MYLIP: variants seen among roughly 807,000 people sequenced by gnomAD.
MYLIP encodes the protein myosin regulatory light chain interacting protein.
MYLIP carries 26 observed loss-of-function variants against 45.8 expected under a neutral mutation model. The ratio of observed to expected loss-of-function variants is 0.57; its 90% confidence interval spans 0.42 to 0.79. The LOEUF is 0.79. Ranked by LOEUF, MYLIP falls within the 30% of genes least tolerant of loss-of-function variation. The pLI, the probability that MYLIP is intolerant of heterozygous loss-of-function variation, is 0.00. For missense variants in MYLIP, 494 were observed against 555.6 expected (o/e 0.89, Z 1.11); for synonymous variants, 213 against 218.1 (o/e 0.98, Z 0.21).
In MYLIP at chr6:16,146,863, A is replaced by T; in HGVS notation, c.*112A>T. 1.8e-4 allele frequency: 132 copies of T among 724,000 alleles called. No homozygotes were observed. The highest frequency in any genetic ancestry group is 4.0e-4 in the Middle Eastern group (1 of 2,482). The allele number at this position is 724,000 out of a possible 1,614,324, so 44.8% of individuals were successfully genotyped here. A position where few individuals can be genotyped will look rare whatever the true frequency, so the allele number is the denominator to read the frequency against. On this transcript the variant is annotated 3_prime_UTR_variant, in exon 7 of 7. Coordinates refer to ENST00000356840, the MANE Select transcript of MYLIP (RefSeq NM_013262.4). ...TATTCCAACACCCATCTGCCATGCG[A>T]TGTTAAAAAAAAAAAAAAGGAAGAA...
chr6:16,132,904 AT>A (rs991425832), intron 2 of MYLIP, among the ~76,000 whole-genome samples: 2 of 152,202 alleles, frequency 1.3e-5, no homozygotes, highest in Non-Finnish European at 2.9e-5. Context: ...ATGAAAGGTG[AT>A]TTTTTTATTC....
At position 16,146,867 on chromosome 6, in the gene MYLIP, TAA is replaced by T. The variant is rs35112615; in HGVS notation, c.*129_*130del. ...CCAACACCCATCTGCCATGCGATGT[TAA>T]AAAAAAAAAAAAGGAAGAAAAATAA... On this transcript the variant is annotated 3_prime_UTR_variant, in exon 7 of 7. Transcript: ENST00000356840. 14,341 of 600,252 alleles carry T rather than the reference TAA, an allele frequency of 0.024. No homozygotes were observed. Among genetic ancestry groups the T allele is most frequent in the South Asian group, 0.037 (1,198 of 32,578 alleles). The allele number at this position is 600,252 out of a possible 1,614,324, so 37.2% of individuals were successfully genotyped here. A position where few individuals can be genotyped will look rare whatever the true frequency, so the allele number is the denominator to read the frequency against.
intron 3 of MYLIP, among the ~76,000 whole-genome samples, chr6:16,142,576 A>C (rs1343652222): frequency 6.6e-6 from 1 of 152,130 alleles, no homozygotes; most frequent in Non-Finnish European, 1.5e-5. Context: ...TGCAGGTAGA[A>C]CTCTGTCTCA....
intron 6 of MYLIP, among the ~76,000 whole-genome samples, chr6:16,146,070 T>C (rs1418864741): frequency 1.3e-5 from 2 of 152,242 alleles, no homozygotes; most frequent in African/African-American, 2.4e-5. Context: ...CCCTGTGTCC[T>C]TTCCCCAGAA....
intron 2 of MYLIP, 22 bp from the exon 3 acceptor site, chr6:16,141,602 CT>C: frequency 6.3e-7 from 1 of 1,599,426 alleles, no homozygotes; most frequent in Non-Finnish European, 8.6e-7. Context: ...CAAGCATAAC[CT>C]CACTCTCACC....
Position 16,129,544 on chromosome 6 carries a change from CCCT to C in MYLIP, c.87+140_87+142del. The C allele has an allele frequency of 2.4e-6, 2 of 823,654 alleles. No individual in the cohort carries two copies. The highest frequency in any genetic ancestry group is 3.7e-6 in the Non-Finnish European group (2 of 546,104). 51.0% of individuals were successfully genotyped at this position (823,654 alleles called of 1,614,324 possible). ...CGGCGGCAGCCGGGGGGAGCGCGTC[CCCT>C]CCTCTCCACGGGCGTGGGGCGCGCG... is the stretch of plus-strand genomic sequence containing the variant. On this transcript the variant is annotated intron_variant, in intron 1 of 6. Transcript: ENST00000356840. The surrounding 1 kb of genome is among the most constrained non-coding windows in gnomAD (Gnocchi z 5.1).
chr6:16,136,215 T>C (rs1759553101), intron 2 of MYLIP, among the ~76,000 whole-genome samples: 1 of 152,168 alleles, frequency 6.6e-6, no homozygotes, highest in Non-Finnish European at 1.5e-5. Context: ...GAAGCCCTTC[T>C]GCAGTCAACC....
In MYLIP at chr6:16,129,114, G is replaced by A. The variant is rs891281077; in HGVS notation, c.-209G>A. On this transcript the variant is annotated 5_prime_UTR_variant, in exon 1 of 7. Coordinates refer to ENST00000356840, the MANE Select transcript of MYLIP (RefSeq NM_013262.4). The surrounding 1 kb of genome is among the most constrained non-coding windows in gnomAD (Gnocchi z 5.1). Reference sequence around the variant, plus strand: ...TGGGCTGCTGGAGTGCGGCGCCACCGCGGAGGACAGGGGCAGCTGGCGGGC... The same window carrying A: ...TGGGCTGCTGGAGTGCGGCGCCACCACGGAGGACAGGGGCAGCTGGCGGGC... The A allele has an allele frequency of 1.1e-5, 6 of 561,950 alleles. No individual in the cohort carries two copies. The highest frequency in any genetic ancestry group is 1.9e-5 in the Non-Finnish European group (6 of 319,150). The allele number at this position is 561,950 out of a possible 1,614,324, so 34.8% of individuals were successfully genotyped here. A position where few individuals can be genotyped will look rare whatever the true frequency, so the allele number is the denominator to read the frequency against.
At chr6:16,138,329 AAAG>A (rs1759598204) in intron 2 of MYLIP, among the ~76,000 whole-genome samples, 3 of 152,200 alleles carry the variant, frequency 2.0e-5, no homozygotes, top group East Asian at 1.9e-4. Flanking sequence ...ACAAAAAAAA[AAAG>A]GAGGGGGCAA....
At chr6:16,156,614 A>G in the MYLIP span, among the ~76,000 whole-genome samples, 4 of 152,380 alleles carry the variant, frequency 2.6e-5, no homozygotes, top group South Asian at 4.1e-4. Flanking sequence ...AAGTTGCTCA[A>G]CTACAGCTAT....
intron 2 of MYLIP, among the ~76,000 whole-genome samples, chr6:16,138,677 C>A (rs183049991): frequency 6.6e-6 from 1 of 152,130 alleles, no homozygotes; most frequent in African/African-American, 2.4e-5. Flanking sequence ...ACCCTAAAAC[C>A]CCAGCTTAGG....
At chr6:16,149,485 T>G (rs1759852751), downstream of MYLIP, among the ~76,000 whole-genome samples, 1 of 152,226 alleles carries the variant, frequency 6.6e-6, no homozygotes, top group Non-Finnish European at 1.5e-5. Flanking sequence ...AGAAAGTGCA[T>G]AGCCCATGCC....
chr6:16,137,553 G>C (rs1043198397), intron 2 of MYLIP, among the ~76,000 whole-genome samples: 1 of 152,158 alleles, frequency 6.6e-6, no homozygotes, highest in African/African-American at 2.4e-5. Context: ...GTCATTAAAA[G>C]CTCTTAAAAA....
At chr6:16,156,215 T>C in the MYLIP span, among the ~76,000 whole-genome samples, 1 of 152,112 alleles carries the variant, frequency 6.6e-6, no homozygotes, top group African/African-American at 2.4e-5. Flanking sequence ...TTTGGAAAAG[T>C]CAGCATTCCA....
intron 2 of MYLIP, among the ~76,000 whole-genome samples, chr6:16,131,667 C>T (rs1211745796): frequency 6.6e-6 from 1 of 152,136 alleles, no homozygotes; most frequent in Non-Finnish European, 1.5e-5. Flanking sequence ...ATTTGCCATG[C>T]ATATGAAAAA....
the MYLIP span, chr6:16,163,878 T>C: frequency 1.3e-5 from 2 of 152,250 alleles, no homozygotes; most frequent in Non-Finnish European, 2.9e-5. Context: ...TATTTTTCTC[T>C]GGATTGAAAC....
the MYLIP span, among the ~76,000 whole-genome samples, chr6:16,155,170 T>A: frequency 1.3e-5 from 2 of 152,094 alleles, no homozygotes; most frequent in African/African-American, 4.8e-5. Context: ...TTCATGCACA[T>A]CCTTCAGCTG....
chr6:16,159,725 C>CA, the MYLIP span, among the ~76,000 whole-genome samples: 2 of 152,146 alleles, frequency 1.3e-5, no homozygotes, highest in Admixed American at 1.3e-4. Context: ...GGAATAGGGA[C>CA]ATGTCCTGAA....
rs577745830 is a variant in MYLIP at position 16,136,734 on chromosome 6, C to T, written c.279-4891C>T. Among the ~76,000 whole-genome samples, 8 of 152,334 alleles carry T rather than the reference C, an allele frequency of 5.3e-5. No individual in the cohort carries two copies. In the East Asian group the frequency reaches 1.2e-3, roughly 22 times the overall value. On this transcript the variant is annotated intron_variant, in intron 2 of 6. Transcript: ENST00000356840. The stretch of plus-strand genomic sequence containing the variant: ...GTAAGAGTCTAGTTCCTCCACATCC[C>T]TGCCAGCTTTCTGGTGGGTGTGTAG...
Sources: allele counts gnomAD v4.1 joint callset (sites outside exome capture counted in the v4.1 genomes callset), GRCh38; gene constraint gnomAD v4.1.1; non-coding constraint Gnocchi (gnomAD v3.1); transcripts MANE v1.5; gene names NCBI Gene and HGNC (gene_info 2026-07-23, HGNC 2026-07-21).